RESF1: variants seen among roughly 807,000 people sequenced by gnomAD.
RESF1 encodes gonad expressed transcript.
In RESF1, 65 loss-of-function variants were observed where a neutral mutation model predicts 134.7. The ratio of observed to expected loss-of-function variants is 0.48; its 90% CI spans 0.40 to 0.59. The LOEUF is 0.59. RESF1 is among the 20% of genes least tolerant of loss of function. The probability of loss-of-function intolerance (pLI) is 0.00; values close to 1 mark genes in which losing one functional copy is unlikely to be tolerated. For synonymous variants in RESF1, 762 were observed against 702.2 expected (o/e 1.09, Z -1.35); for missense variants, 2,274 against 2,002.7 (o/e 1.14, Z -2.59).
rs34647835 is a variant in RESF1 at position 31,968,450 on chromosome 12, C to CT, written c.-246-1723dup. The stretch of plus-strand genomic sequence containing the variant: ...TCTATAAGTTTACATTAGGACTTCT[C>CT]TTTTTTTTTTTTTTTTGAGACGGAG... On this transcript the variant is annotated intron_variant, in intron 2 of 5. Transcript: ENST00000312561. Among the ~76,000 whole-genome samples, 279 of 140,578 alleles carry CT rather than the reference C, an allele frequency of 2.0e-3. 2 individuals carry two copies. Among genetic ancestry groups the CT allele is most frequent in the South Asian group, 3.8e-3 (17 of 4,418 alleles). 92.2% of individuals were successfully genotyped at this position (140,578 alleles called of 152,430 possible).
At chr12:31,964,574 A>G (rs1939356504) in intron 2 of RESF1, among the ~76,000 whole-genome samples, 1 of 152,152 alleles carries the variant, frequency 6.6e-6, no homozygotes. Flanking sequence ...GCTATTGTGA[A>G]TAGACATGCA....
At chr12:31,959,736 C>T (rs1210403576) in intron 1 of RESF1, 1 of 151,438 alleles carries the variant, frequency 6.6e-6, no homozygotes, top group African/African-American at 2.4e-5. Flanking sequence ...CTTCTGCCCG[C>T]CGCACCGGGG....
At position 31,980,735 on chromosome 12, in the gene RESF1, C is replaced by T. The variant is rs749584397; in HGVS notation, c.-78-143C>T. On this transcript the variant is annotated intron_variant, in intron 3 of 5. Transcript: ENST00000312561. ...CACTTGCCTTATTTATTGTTGTATCCTCTATTGCTCCTCTTCTTCCCAAAT... is the reference window on the plus strand; with the variant it reads ...CACTTGCCTTATTTATTGTTGTATCTTCTATTGCTCCTCTTCTTCCCAAAT... 186 of 446,774 alleles carry T rather than the reference C, an allele frequency of 4.2e-4. 1 individual carries two copies. Among genetic ancestry groups the T allele is most frequent in the Non-Finnish European group, 1.1e-4 (27 of 254,666 alleles). 27.7% of individuals were successfully genotyped at this position (446,774 alleles called of 1,614,324 possible).
At position 31,983,182 on chromosome 12, in the gene RESF1, C is replaced by T; in HGVS notation, c.2227C>T (p.His743Tyr). The change falls in exon 4 of 6, where the codon CAC (histidine) becomes TAC (tyrosine). Residue 743 changes from histidine to tyrosine, a missense_variant. Coordinates refer to ENST00000312561, the MANE Select transcript of RESF1 (RefSeq NM_018169.4). ...GCAGACAGCTTTGTCGATGGTAATG[C>T]ACAATTATGAGTCTTCAGGTATAAA... ...SQQTALSMVM[H>Y]NYESSGINIT... 1 of 1,611,272 alleles carries T rather than the reference C, an allele frequency of 6.2e-7. No homozygotes were observed. The highest frequency in any genetic ancestry group is 8.5e-7 in the Non-Finnish European group (1 of 1,179,020).
chr12:31,992,694 T>C lies in RESF1; in HGVS notation c.*159T>C, dbSNP rs549929126. The C allele has an allele frequency of 2.1e-4, 151 of 733,058 alleles. 1 individual carries two copies. In the South Asian group the frequency reaches 2.5e-3, roughly 12 times the overall value. 45.4% of individuals were successfully genotyped at this position (733,058 alleles called of 1,614,324 possible). On this transcript the variant is annotated 3_prime_UTR_variant, in exon 6 of 6. Transcript: ENST00000312561. ...TTGAAAGTGCTTAATTAAAATGGCT[T>C]GAGAACTTTGGGTAGCCATGTGTAA... is the stretch of plus-strand genomic sequence containing the variant.
rs779054662 is a variant in RESF1 at position 31,983,867 on chromosome 12, ATCAG to A, written c.2916_2919del (p.Lys974GlnfsTer5). 3 of 1,613,650 alleles carry A rather than the reference ATCAG, an allele frequency of 1.9e-6. No homozygotes were observed. Among genetic ancestry groups the A allele is most frequent in the South Asian group, 1.1e-5 (1 of 91,088 alleles). On this transcript the variant is annotated frameshift_variant, in exon 4 of 6. Coordinates refer to ENST00000312561, the MANE Select transcript of RESF1 (RefSeq NM_018169.4). LOFTEE classifies it high-confidence loss of function. The stretch of plus-strand genomic sequence containing the variant: ...ACAGATGTTTCACATAAAATATGTG[ATCAG>A]TCAAAGTCAGAGCCACCCTTAGAGT...
chr12:31,972,676 A>G (rs1181213630), intron 3 of RESF1, among the ~76,000 whole-genome samples: 2 of 151,478 alleles, frequency 1.3e-5, no homozygotes, highest in Non-Finnish European at 2.9e-5. Flanking sequence ...ATCTGACACT[A>G]TCTTCATATA....
At chr12:31,989,646 G>A (rs904589365) in intron 5 of RESF1, among the ~76,000 whole-genome samples, 1 of 152,102 alleles carries the variant, frequency 6.6e-6, no homozygotes, top group Non-Finnish European at 1.5e-5. Context: ...GAGGTCAGAG[G>A]TTCGAGACCA....
chr12:31,983,664 C>A lies in RESF1; in HGVS notation c.2709C>A (p.Thr903=). 1 of 1,613,912 alleles carries A rather than the reference C, an allele frequency of 6.2e-7. No homozygotes were observed. Among genetic ancestry groups the A allele is most frequent in the Non-Finnish European group, 8.5e-7 (1 of 1,179,958 alleles). The change falls in exon 4 of 6, where the codon ACC becomes ACA. Residue 903 remains threonine (T), a synonymous_variant. Transcript: ENST00000312561. ...TTTGTTCTCTGGTTGAAGGTGATAC[C>A]TCTTACAATTCCCAAATAGCAAAGA... ...DNICSLVEGD[T]SYNSQIAKIF...
In RESF1 at chr12:31,985,064, G is replaced by A. The variant is rs774508515; in HGVS notation, c.4109G>A (p.Ser1370Asn). 1.3e-6 allele frequency: 2 copies of A among 1,574,900 alleles called. No individual in the cohort carries two copies. Among genetic ancestry groups the A allele is most frequent in the Non-Finnish European group, 1.7e-6 (2 of 1,168,158 alleles). The change falls in exon 4 of 6, where the codon AGC (serine) becomes AAC (asparagine). Residue 1370 changes from serine (S) to asparagine (N), a missense_variant. By Grantham distance (46) the Ser-to-Asn change is conservative. Coordinates refer to ENST00000312561, the MANE Select transcript of RESF1 (RefSeq NM_018169.4). ...ATAAAATTGAAACTCAAATCAGTTA[G>A]CTTCAAACAAAAACGAAAGTTAGAC... Reference protein sequence around the residue: ...EKIKLKLKSVSFKQKRKLDQG... With the variant: ...EKIKLKLKSVNFKQKRKLDQG...
At chr12:31,977,501 T>C (rs887450773) in intron 3 of RESF1, among the ~76,000 whole-genome samples, 1 of 152,188 alleles carries the variant, frequency 6.6e-6, no homozygotes, top group African/African-American at 2.4e-5. Flanking sequence ...TCTGGAAACT[T>C]TAAAACGATA....
At chr12:31,973,892 G>A (rs1939570969) in intron 3 of RESF1, among the ~76,000 whole-genome samples, 2 of 152,192 alleles carry the variant, frequency 1.3e-5, no homozygotes, top group Non-Finnish European at 1.5e-5. Context: ...TCAATTACAT[G>A]TTGGCATCAT....
intron 3 of RESF1, among the ~76,000 whole-genome samples, chr12:31,977,377 T>A (rs1367718363): frequency 1.3e-5 from 2 of 152,076 alleles, no homozygotes; most frequent in African/African-American, 2.4e-5. Flanking sequence ...GACGGGGGCT[T>A]CACCATCCAT....
chr12:31,978,295 A>G (rs1939682989), intron 3 of RESF1, among the ~76,000 whole-genome samples: 2 of 152,288 alleles, frequency 1.3e-5, no homozygotes, highest in South Asian at 4.1e-4. Flanking sequence ...TGTAATAAAC[A>G]GTAAAACAAA....
rs373604856 is a variant in RESF1, at chr12:31,984,277, A to G, written c.3322A>G (p.Ile1108Val). The G allele has an allele frequency of 1.9e-5, 30 of 1,613,914 alleles. No individual in the cohort carries two copies. The African/African-American group carries it at 3.7e-4, about 20-fold the overall frequency. ...KDPADQIQITILSSEQMKEIF... is the reference protein window; with the variant it reads ...KDPADQIQITVLSSEQMKEIF... ...CCCAGCAGATCAAATACAAATTACA[A>G]TATTAAGCTCAGAGCAAATGAAAGA... Residue 1108 changes from isoleucine to valine, a missense_variant, in exon 4 of 6, where the codon ATA (isoleucine) becomes GTA (valine). Physicochemically the swap from Ile to Val is conservative, Grantham distance 29 (BLOSUM62 3). Transcript: ENST00000312561.
At chr12:31,987,810 A>G (rs1179046480) in intron 5 of RESF1, among the ~76,000 whole-genome samples, 2 of 152,044 alleles carry the variant, frequency 1.3e-5, no homozygotes, top group African/African-American at 4.8e-5. Flanking sequence ...ATCTTGGCTC[A>G]CTGCAACCTC....
In RESF1 at chr12:31,982,955, G is replaced by A; in HGVS notation, c.2000G>A (p.Ser667Asn). 5.6e-6 allele frequency: 9 copies of A among 1,614,098 alleles called. No individual in the cohort carries two copies. Among genetic ancestry groups the A allele is most frequent in the Non-Finnish European group, 7.6e-6 (9 of 1,180,000 alleles). ...GGAATGCCTGCTAAAAGTGACAGTA[G>A]CTGTTCCATGGAAGTGCTAGCAACC... ...TKGMPAKSDS[S>N]CSMEVLATCL... is the part of the protein sequence containing the mutation. The change falls in exon 4 of 6, where the codon AGC becomes AAC. Residue 667 changes from serine (S) to asparagine (N), a missense_variant. Ser to Asn is a conservative substitution (Grantham distance 46). Transcript: ENST00000312561.
chr12:31,983,607 T>G lies in RESF1; in HGVS notation c.2652T>G (p.Val884=). The G allele has an allele frequency of 6.2e-7, 1 of 1,614,110 alleles. No individual in the cohort carries two copies. Among genetic ancestry groups the G allele is most frequent in the Non-Finnish European group, 8.5e-7 (1 of 1,179,978 alleles). The change falls in exon 4 of 6, where the codon GTT becomes GTG. Residue 884 remains valine (V), a synonymous_variant. Transcript: ENST00000312561. ...QISQESRNST[V]VSSDTLQIDN... is the part of the protein sequence containing the mutation. ...CACAGGAGTCAAGGAATAGTACTGT[T>G]GTGAGTAGTGATACATTACAGATTG...
In RESF1 at chr12:31,983,861, T is replaced by TA; in HGVS notation, c.2907dup (p.Cys970MetfsTer2). Reference sequence around the variant, plus strand: ...CAGTGCACAGATGTTTCACATAAAATATGTGATCAGTCAAAGTCAGAGCCA... The same window carrying TA: ...CAGTGCACAGATGTTTCACATAAAATAATGTGATCAGTCAAAGTCAGAGCCA... On this transcript the variant is annotated frameshift_variant, in exon 4 of 6. Coordinates refer to ENST00000312561, the MANE Select transcript of RESF1 (RefSeq NM_018169.4). LOFTEE classifies it high-confidence loss of function. 1 of 1,613,588 alleles carries TA rather than the reference T, an allele frequency of 6.2e-7. No individual in the cohort carries two copies. Among genetic ancestry groups the TA allele is most frequent in the Non-Finnish European group, 8.5e-7 (1 of 1,180,016 alleles).
Sources: gnomAD v4.1 joint callset for allele counts (sites outside exome capture counted in the v4.1 genomes callset) on GRCh38, gnomAD v4.1.1 for gene constraint, MANE v1.5 for transcripts, NCBI Gene and HGNC (gene_info 2026-07-23, HGNC 2026-07-21) for gene names.